The following ADGRL2 variants were observed in gnomAD, a reference collection of about 807,000 sequenced individuals.
The protein encoded by ADGRL2 is adhesion G protein-coupled receptor L2.
A neutral mutation model predicts 157.4 loss-of-function variants in ADGRL2; 44 were observed. The ratio of observed to expected loss-of-function variants is 0.28; its 90% confidence interval spans 0.22 to 0.36. ADGRL2 has a LOEUF of 0.36. Among genes scored for constraint, ADGRL2 ranks in the 10% least tolerant of loss-of-function variants. ADGRL2 has a pLI of 1.00. For missense variants in ADGRL2, 1,510 were observed against 1,768.9 expected, an observed-to-expected ratio of 0.85 and a Z score of 2.63; for synonymous variants, 585 against 624.7, an observed-to-expected ratio of 0.94 and a Z score of 0.95.
At chr1:81,599,110 CT>C (rs2081290264) in intron 3 of ADGRL2, among the ~76,000 whole-genome samples, 1 of 152,206 alleles carries the variant, frequency 6.6e-6, no homozygotes, top group South Asian at 2.1e-4. Flanking sequence ...TATGCTACAA[CT>C]TCTTACAATA....
intron 2 of ADGRL2, among the ~76,000 whole-genome samples, chr1:81,882,836 C>T (rs1014615489): frequency 6.6e-6 from 1 of 152,120 alleles, no homozygotes; most frequent in African/African-American, 2.4e-5. Flanking sequence ...TATTTTGTCA[C>T]GTATATGTTT....
chr1:81,409,899 C>T (rs2076919459), intron 1 of ADGRL2, among the ~76,000 whole-genome samples: 1 of 152,148 alleles, frequency 6.6e-6, no homozygotes, highest in Non-Finnish European at 1.5e-5. Context: ...TAGCCCCTGC[C>T]TTTGGTATAT....
intron 2 of ADGRL2, among the ~76,000 whole-genome samples, chr1:81,903,844 C>T (rs1345041933): frequency 1.4e-5 from 2 of 142,880 alleles, no homozygotes; most frequent in Admixed American, 7.1e-5. Flanking sequence ...CACACACACA[C>T]ACATATTTGG....
At chr1:81,751,672 G>A (rs887018343) in intron 1 of ADGRL2, among the ~76,000 whole-genome samples, 2 of 152,022 alleles carry the variant, frequency 1.3e-5, no homozygotes, top group Non-Finnish European at 2.9e-5. Context: ...GGGGATCTGA[G>A]GATTATAGTG....
chr1:81,540,634 C>A (rs2079860164), intron 2 of ADGRL2, among the ~76,000 whole-genome samples: 2 of 151,976 alleles, frequency 1.3e-5, no homozygotes, highest in Admixed American at 1.3e-4. Context: ...AGAGGGATTG[C>A]CTGTATAAAG....
intron 2 of ADGRL2, among the ~76,000 whole-genome samples, chr1:81,504,357 A>G (rs1344751753): frequency 1.3e-5 from 2 of 152,118 alleles, no homozygotes; most frequent in African/African-American, 4.8e-5. Context: ...TTATGGGGCC[A>G]TCTTGGCCTC....
chr1:81,493,967 G>A (rs577001284), intron 2 of ADGRL2, among the ~76,000 whole-genome samples: 1 of 152,260 alleles, frequency 6.6e-6, no homozygotes, highest in African/African-American at 2.4e-5. Context: ...ATGTGGGTGA[G>A]TAGGACAAGA....
intron 3 of ADGRL2, among the ~76,000 whole-genome samples, chr1:81,629,667 A>G (rs534924787): frequency 3.1e-4 from 47 of 149,282 alleles, no homozygotes; most frequent in African/African-American, 1.0e-3. Flanking sequence ...ATGAATGTAT[A>G]TGTGTGTGTG....
intron 2 of ADGRL2, among the ~76,000 whole-genome samples, chr1:81,521,195 A>G (rs914919537): frequency 6.6e-6 from 1 of 152,202 alleles, no homozygotes; most frequent in Admixed American, 6.5e-5. Flanking sequence ...TGATGAATCC[A>G]TATCTGTCTG....
chr1:81,787,096 C>A (rs989675028), intron 2 of ADGRL2, among the ~76,000 whole-genome samples: 2 of 151,984 alleles, frequency 1.3e-5, no homozygotes, highest in Non-Finnish European at 2.9e-5. Context: ...TTCTTGCCAC[C>A]ACCATGTAAG....
intron 1 of ADGRL2, among the ~76,000 whole-genome samples, chr1:81,386,775 C>T (rs1557648341): frequency 6.6e-6 from 1 of 151,996 alleles, no homozygotes; most frequent in Non-Finnish European, 1.5e-5. Flanking sequence ...CAAATTGCAC[C>T]CTATTAAATC....
intron 10 of ADGRL2, among the ~76,000 whole-genome samples, chr1:81,955,282 G>A (rs1307552884): frequency 1.3e-5 from 2 of 151,810 alleles, no homozygotes; most frequent in East Asian, 3.9e-4. Context: ...TAGCTGGACA[G>A]AGAATTGGAA....
At chr1:81,409,737 T>A (rs1443926212) in intron 1 of ADGRL2, among the ~76,000 whole-genome samples, 1 of 152,192 alleles carries the variant, frequency 6.6e-6, no homozygotes, top group Non-Finnish European at 1.5e-5. Context: ...TTCTTGTAAA[T>A]CCATGCAAAC....
intron 2 of ADGRL2, among the ~76,000 whole-genome samples, chr1:81,856,640 C>T (rs1265367325): frequency 1.3e-5 from 2 of 151,968 alleles, no homozygotes; most frequent in Non-Finnish European, 2.9e-5. Flanking sequence ...TGTCAGGAGT[C>T]AAGGTGGATC....
At position 81,833,321 on chromosome 1, in the gene ADGRL2, G is replaced by T. The variant is rs190904628; in HGVS notation, c.-100-3564G>T. On this transcript the variant is annotated intron_variant, in intron 1 of 23. Transcript: ENST00000686636. The stretch of plus-strand genomic sequence containing the variant: ...GCTTAGCTGGCTCTTTTCTTTTCCT[G>T]TTCTCTTCATGTTATAACTGTTTTG... 3.7e-3 allele frequency among the ~76,000 whole-genome samples: 567 copies of T among 152,162 alleles called. 23 individuals carry two copies. Among genetic ancestry groups the T allele is most frequent in the Admixed American group, 0.034 (524 of 15,288 alleles).
intron 1 of ADGRL2, among the ~76,000 whole-genome samples, chr1:81,324,577 T>C (rs887955225): frequency 1.3e-5 from 2 of 149,858 alleles, no homozygotes; most frequent in African/African-American, 2.4e-5. Context: ...ATAAATTATA[T>C]ATGTTAAAAA....
intron 22 of ADGRL2, chr1:81,987,425 GAT>G: frequency 1.2e-6 from 1 of 843,188 alleles, no homozygotes; most frequent in Non-Finnish European, 2.1e-6. Flanking sequence ...AGCTAATGAA[GAT>G]AATTTGGATG....
At chr1:81,695,982 A>G (rs1276076686), upstream of ADGRL2, among the ~76,000 whole-genome samples, 1 of 152,034 alleles carries the variant, frequency 6.6e-6, no homozygotes, top group Non-Finnish European at 1.5e-5. Flanking sequence ...ATTGTTTGTA[A>G]TTTATTATAG....
At chr1:81,412,287 A>G (rs2076959061) in intron 1 of ADGRL2, among the ~76,000 whole-genome samples, 1 of 152,190 alleles carries the variant, frequency 6.6e-6, no homozygotes, top group Non-Finnish European at 1.5e-5. Flanking sequence ...GTCATTATTA[A>G]TTGAATCATT....
Sources: allele counts gnomAD v4.1 joint callset (sites outside exome capture counted in the v4.1 genomes callset), GRCh38; gene constraint gnomAD v4.1.1; transcripts MANE v1.5; gene names NCBI Gene and HGNC (gene_info 2026-07-23, HGNC 2026-07-21).